Variants in TMEM245 observed in about 807,000 individuals in gnomAD.
The protein encoded by TMEM245 is transmembrane protein 245.
In TMEM245, 69 loss-of-function variants were observed where a neutral mutation model predicts 101.2. That is an observed-to-expected ratio of 0.68 (90% CI 0.56 to 0.83). The LOEUF (loss-of-function observed/expected upper bound fraction) is 0.83, where lower values mean the gene tolerates loss of function less well. TMEM245 is among the 40% of genes least tolerant of loss of function. TMEM245 has a pLI of 0.00. For missense variants in TMEM245, 1,075 were observed against 1,092.8 expected (o/e 0.98, Z 0.23); for synonymous variants, 537 against 449.8 (o/e 1.19, Z -2.45).
intron 3 of TMEM245, among the ~76,000 whole-genome samples, chr9:109,105,950 T>C (rs1015261867): frequency 7.2e-5 from 11 of 152,192 alleles, no homozygotes; most frequent in Admixed American, 5.9e-4. Flanking sequence ...ATTTTTGTAT[T>C]TTTAGTAGAG....
At chr9:109,112,634 C>A (rs1242382090) in intron 1 of TMEM245, among the ~76,000 whole-genome samples, 2 of 151,682 alleles carry the variant, frequency 1.3e-5, no homozygotes, top group Admixed American at 6.6e-5. Flanking sequence ...AGGTACAGAG[C>A]TATATGTATG....
chr9:109,055,477 C>CT (rs796345460), intron 12 of TMEM245, among the ~76,000 whole-genome samples: 43 of 152,156 alleles, frequency 2.8e-4, no homozygotes, highest in African/African-American at 9.9e-4. Context: ...GCAAAACAAA[C>CT]TTTAAAGAAA....
Position 109,038,056 on chromosome 9 carries a change from G to A in TMEM245, c.2185C>T (p.His729Tyr). 6.2e-7 allele frequency: 1 copy of A among 1,613,312 alleles called. No individual in the cohort carries two copies. Among genetic ancestry groups the A allele is most frequent in the Non-Finnish European group, 8.5e-7 (1 of 1,179,620 alleles). ...ACAATATTGATGCCAAACATAGTAT[G>A]AGTCAGCCAGGTATACAATCCATAG... Reference protein sequence around the residue: ...GFYGLYTWLTHTMFGINIVFI... With the variant: ...GFYGLYTWLTYTMFGINIVFI... Residue 729 changes from histidine to tyrosine, a missense_variant, in exon 15 of 18, where the codon CAT becomes TAT. By Grantham distance (83) the His-to-Tyr change is moderately conservative. Transcript: ENST00000374586.
rs766285240 is a variant in TMEM245 at position 109,064,481 on chromosome 9, T to C, written c.1619A>G (p.His540Arg). 1 of 1,612,810 alleles carries C rather than the reference T, an allele frequency of 6.2e-7. No homozygotes were observed. The highest frequency in any genetic ancestry group is 1.1e-5 in the South Asian group (1 of 90,850). Residue 540 changes from histidine to arginine, a missense_variant, in exon 10 of 18, where the codon CAC becomes CGC. This residue lies in a region of TMEM245 where 808 missense variants were observed against 741.5 expected (regional missense o/e 1.09). Transcript: ENST00000374586. ...AAAGAAAGTTTCTTCCCTTACCTTGTGAGTTATCCATTCTCGTCCATACTG... is the reference window on the plus strand; with the variant it reads ...AAAGAAAGTTTCTTCCCTTACCTTGCGAGTTATCCATTCTCGTCCATACTG... ...VYQYGREWIT[H>R]KLHKILGDKV...
intron 4 of TMEM245, among the ~76,000 whole-genome samples, chr9:109,092,091 T>C (rs982307504): frequency 2.0e-5 from 3 of 152,238 alleles, no homozygotes; most frequent in Non-Finnish European, 2.9e-5. Context: ...TTTTACATAG[T>C]TGTAGCATGT....
intron 14 of TMEM245, chr9:109,039,277 A>T (rs1241091241): frequency 6.6e-6 from 1 of 152,190 alleles, no homozygotes; most frequent in Non-Finnish European, 1.5e-5. Flanking sequence ...TAAAGGAGCC[A>T]TATGACTCTG....
intron 7 of TMEM245, among the ~76,000 whole-genome samples, chr9:109,083,290 G>T (rs1366933054): frequency 1.3e-5 from 2 of 152,162 alleles, no homozygotes; most frequent in African/African-American, 4.8e-5. Context: ...GAAACATAAA[G>T]AGAGGAAGCA....
chr9:109,093,174 G>C (rs1035770551), intron 4 of TMEM245, among the ~76,000 whole-genome samples: 26 of 151,708 alleles, frequency 1.7e-4, no homozygotes, highest in African/African-American at 6.3e-4. Context: ...CGGAGAAAAG[G>C]AAAATAAGAA....
chr9:109,101,907 A>G (rs184681161), intron 3 of TMEM245, among the ~76,000 whole-genome samples: 1 of 152,214 alleles, frequency 6.6e-6, no homozygotes, highest in African/African-American at 2.4e-5. Context: ...GATGACTAGA[A>G]TTTACACCGT....
Position 109,033,306 on chromosome 9 carries a change from C to T in TMEM245, c.2594+1G>A, listed in dbSNP as rs1404015543. On this transcript the variant is annotated splice_donor_variant, in intron 17 of 17. Coordinates refer to ENST00000374586, the MANE Select transcript of TMEM245 (RefSeq NM_032012.4). LOFTEE classifies it high-confidence loss of function. ...CTTATGATTATTCTGCTTTAACTCACCGCTGAGGCTGAGCAGGCCATGGGG... is the reference window on the plus strand; with the variant it reads ...CTTATGATTATTCTGCTTTAACTCATCGCTGAGGCTGAGCAGGCCATGGGG... 6.2e-7 allele frequency: 1 copy of T among 1,601,534 alleles called. No individual in the cohort carries two copies. Among genetic ancestry groups the T allele is most frequent in the Non-Finnish European group, 8.5e-7 (1 of 1,174,476 alleles).
At chr9:109,030,782 C>T (rs10979661) in intron 17 of TMEM245, among the ~76,000 whole-genome samples, 5 of 152,186 alleles carry the variant, frequency 3.3e-5, no homozygotes, top group African/African-American at 4.8e-5. Flanking sequence ...CTAAGGATCA[C>T]GCATTGGCTA....
At chr9:109,035,520 A>G (rs893815187) in intron 16 of TMEM245, among the ~76,000 whole-genome samples, 4 of 152,188 alleles carry the variant, frequency 2.6e-5, no homozygotes, top group African/African-American at 9.7e-5. Flanking sequence ...ATCTTTAGAG[A>G]GCTCTGCTTG....
intron 9 of TMEM245, among the ~76,000 whole-genome samples, chr9:109,064,800 A>AGATG (rs976045184): frequency 2.6e-5 from 4 of 152,096 alleles, no homozygotes; most frequent in African/African-American, 9.7e-5. Context: ...TTTATTTTTG[A>AGATG]GATGGAGTTT....
intron 1 of TMEM245, among the ~76,000 whole-genome samples, chr9:109,110,861 T>C (rs1428620087): frequency 6.6e-6 from 1 of 152,112 alleles, no homozygotes; most frequent in Non-Finnish European, 1.5e-5. Context: ...ACTGTACAAG[T>C]ATGGAATGGA....
At chr9:109,041,128 T>C (rs765612125) in intron 14 of TMEM245, among the ~76,000 whole-genome samples, 39 of 152,300 alleles carry the variant, frequency 2.6e-4, no homozygotes, top group African/African-American at 9.1e-4. Flanking sequence ...CAGTTTCATG[T>C]GAGTGGATGC....
chr9:109,060,470 T>TACG lies in TMEM245; in HGVS notation c.1624-21_1624-19dup. 6.5e-7 allele frequency: 1 copy of TACG among 1,528,732 alleles called. No homozygotes were observed. The highest frequency in any genetic ancestry group is 9.0e-7 in the Non-Finnish European group (1 of 1,106,124). 94.7% of individuals were successfully genotyped at this position (1,528,732 alleles called of 1,614,324 possible). ...TTATGGAGCTAGAAAAAAACACAGA[T>TACG]ACGACGTGGTACAATATTTCAGGCA... On this transcript the variant is annotated intron_variant, in intron 10 of 17. Coordinates refer to ENST00000374586, the MANE Select transcript of TMEM245 (RefSeq NM_032012.4).
chr9:109,040,500 C>A (rs543083752), intron 14 of TMEM245, among the ~76,000 whole-genome samples: 1 of 152,278 alleles, frequency 6.6e-6, no homozygotes, highest in South Asian at 2.1e-4. Context: ...TTGTCAAACC[C>A]TCCCTAAACT....
At chr9:109,080,209 T>C (rs1247773861) in intron 8 of TMEM245, among the ~76,000 whole-genome samples, 6 of 151,960 alleles carry the variant, frequency 3.9e-5, no homozygotes, top group Admixed American at 1.3e-4. Context: ...GGTTGTGGAG[T>C]TCAATACGGT....
chr9:109,106,693 G>T, intron 2 of TMEM245, 84 bp from the exon 3 acceptor site: 1 of 919,886 alleles, frequency 1.1e-6, no homozygotes, highest in Non-Finnish European at 1.6e-6. Flanking sequence ...TAGTTTGACA[G>T]AACAATCTGG....
Sources: gnomAD v4.1 joint callset for allele counts (sites outside exome capture counted in the v4.1 genomes callset) on GRCh38, gnomAD v4.1.1 for gene constraint, gnomAD v4.1.1 regional missense constraint, MANE v1.5 for transcripts, NCBI Gene and HGNC (gene_info 2026-07-23, HGNC 2026-07-21) for gene names.